The following PCDHA6 variants were observed in gnomAD, a reference collection of about 807,000 sequenced individuals.
The protein encoded by PCDHA6 is protocadherin alpha 6, also known as protocadherin alpha-6.
A neutral mutation model predicts 60.3 loss-of-function variants in PCDHA6; 55 were observed. That is an observed-to-expected ratio of 0.91 (90% CI 0.73 to 1.14). The LOEUF is 1.14. PCDHA6 is among the 50% of genes most tolerant of loss of function. The pLI is 0.00. For synonymous variants in PCDHA6, 652 were observed against 557.9 expected (o/e 1.17, Z -2.38); for missense variants, 1,327 against 1,256.5 (o/e 1.06, Z -0.85).
At chr5:140,931,975 T>C (rs2087911858) in intron 1 of PCDHA6, among the ~76,000 whole-genome samples, 1 of 151,962 alleles carries the variant, frequency 6.6e-6, no homozygotes, top group Non-Finnish European at 1.5e-5. Flanking sequence ...CATATGTGTT[T>C]ATATTTTGCT....
chr5:140,917,151 G>A (rs974449842), intron 1 of PCDHA6, among the ~76,000 whole-genome samples: 1 of 152,160 alleles, frequency 6.6e-6, no homozygotes, highest in Non-Finnish European at 1.5e-5. Flanking sequence ...TGCTGCTGGG[G>A]GATATGGGAG....
chr5:140,880,689 T>C lies in PCDHA6; in HGVS notation c.2394+50204T>C, dbSNP rs957358698. 1.2e-4 allele frequency among the ~76,000 whole-genome samples: 18 copies of C among 152,326 alleles called. No homozygotes were observed. In the South Asian group the frequency reaches 3.7e-3, roughly 32 times the overall value. Reference sequence around the variant, plus strand: ...AGAGTAAATTTGAAGAGAATAGTCATGGTTAAGTGACAATGTTGAGCAGCT... The same window carrying C: ...AGAGTAAATTTGAAGAGAATAGTCACGGTTAAGTGACAATGTTGAGCAGCT... On this transcript the variant is annotated intron_variant, in intron 1 of 3. Transcript: ENST00000529310.
chr5:140,955,006 C>T (rs1304080416), intron 1 of PCDHA6, among the ~76,000 whole-genome samples: 1 of 152,154 alleles, frequency 6.6e-6, no homozygotes, highest in African/African-American at 2.4e-5. Flanking sequence ...AGCCAATTCT[C>T]CCAGCACCAT....
intron 1 of PCDHA6, among the ~76,000 whole-genome samples, chr5:140,887,231 A>G (rs570148204): frequency 7.0e-4 from 106 of 151,572 alleles, no homozygotes; most frequent in Admixed American, 1.4e-3. Context: ...CGAGTAGCTG[A>G]GACTACCGGC....
At chr5:140,866,196 T>C (rs1176237600) in intron 1 of PCDHA6, 3 of 152,160 alleles carry the variant, frequency 2.0e-5, no homozygotes, top group African/African-American at 7.2e-5. Context: ...AACTGTGGTT[T>C]CCAATATCCT....
chr5:140,964,585 T>C (rs1275209289), intron 1 of PCDHA6, among the ~76,000 whole-genome samples: 1 of 151,992 alleles, frequency 6.6e-6, no homozygotes, highest in Non-Finnish European at 1.5e-5. Flanking sequence ...GGAGGAAAGA[T>C]CACTTTTCAT....
Position 140,828,937 on chromosome 5 carries a change from T to C in PCDHA6, c.846T>C (p.Asn282=), listed in dbSNP as rs1770037228. The change falls in exon 1 of 4, where the codon AAT becomes AAC. Residue 282 remains asparagine (N), a synonymous_variant. Transcript: ENST00000529310. ...GANGAISYSF[N]SLVAAMVIDH... ...ATGGGGCAATTTCATATTCTTTTAA[T>C]AGCCTTGTTGCAGCCATGGTTATTG... The C allele has an allele frequency of 6.2e-7, 1 of 1,614,274 alleles. No individual in the cohort carries two copies. The highest frequency in any genetic ancestry group is 8.5e-7 in the Non-Finnish European group (1 of 1,180,046).
At chr5:140,857,993 C>G (rs782150278) in intron 1 of PCDHA6, 1 of 1,597,064 alleles carries the variant, frequency 6.3e-7, no homozygotes. Flanking sequence ...CCTACTGGTG[C>G]TGGTGAAGGA....
At chr5:140,993,569 A>G (rs1311165766) in intron 3 of PCDHA6, among the ~76,000 whole-genome samples, 1 of 151,734 alleles carries the variant, frequency 6.6e-6, no homozygotes, top group East Asian at 1.9e-4. Flanking sequence ...TATCCTTTCT[A>G]GGGATGCTTT....
intron 1 of PCDHA6, chr5:140,867,201 T>C (rs1554161078): frequency 6.6e-6 from 1 of 152,156 alleles, no homozygotes; most frequent in African/African-American, 2.4e-5. Context: ...CCACATTCCA[T>C]GTAACATCTT....
chr5:140,838,280 A>AT (rs2150286950), intron 1 of PCDHA6, among the ~76,000 whole-genome samples: 90,280 of 139,474 alleles, frequency 0.65, 30,290 homozygotes, highest in Non-Finnish European at 0.74. Context: ...AGCCATGCTA[A>AT]TTTTTTTTTT....
At chr5:140,904,754 C>G (rs2071365435) in intron 1 of PCDHA6, among the ~76,000 whole-genome samples, 1 of 152,068 alleles carries the variant, frequency 6.6e-6, no homozygotes, top group South Asian at 2.1e-4. Context: ...ACCATTTTTG[C>G]AAGAATAAGA....
At chr5:140,836,527 T>C (rs2150262895) in intron 1 of PCDHA6, 29 of 1,613,850 alleles carry the variant, frequency 1.8e-5, no homozygotes, top group Non-Finnish European at 2.5e-5. Context: ...GTGCTTACCC[T>C]GCTGCTGTAC....
intron 1 of PCDHA6, among the ~76,000 whole-genome samples, chr5:140,899,663 C>T (rs1583349850): frequency 1.3e-5 from 2 of 152,176 alleles, no homozygotes; most frequent in African/African-American, 4.8e-5. Flanking sequence ...TGTCTCTGCC[C>T]GGCTTTGGTA....
rs560485194 is a variant in PCDHA6 at position 140,872,763 on chromosome 5, G to A, written c.2394+42278G>A. ...AACTTGCTAAAGACATGCATATAGG[G>A]CTATATTATCTATAATATATGCTAG... On this transcript the variant is annotated intron_variant, in intron 1 of 3. Coordinates refer to ENST00000529310, the MANE Select transcript of PCDHA6 (RefSeq NM_018909.4). 2.0e-5 allele frequency among the ~76,000 whole-genome samples: 3 copies of A among 152,126 alleles called. No homozygotes were observed. The South Asian group carries it at 6.2e-4, about 32-fold the overall frequency.
chr5:140,980,628 CAGA>C (rs1554242055), intron 2 of PCDHA6, among the ~76,000 whole-genome samples: 1 of 150,868 alleles, frequency 6.6e-6, no homozygotes, highest in Non-Finnish European at 1.5e-5. Flanking sequence ...GACTCTGTCT[CAGA>C]AGAATAAATA....
At chr5:140,967,593 T>C (rs2096161783) in intron 1 of PCDHA6, 2 of 1,614,078 alleles carry the variant, frequency 1.2e-6, no homozygotes, top group Non-Finnish European at 1.7e-6. Context: ...GGCACATTGG[T>C]GGTGAAGCTG....
intron 1 of PCDHA6, chr5:140,871,086 G>A (rs556097993): frequency 6.6e-5 from 106 of 1,613,256 alleles, no homozygotes; most frequent in Middle Eastern, 1.6e-4. Flanking sequence ...TGACGGCCAC[G>A]GCCACCGTGC....
intron 2 of PCDHA6, among the ~76,000 whole-genome samples, chr5:140,979,404 C>T (rs2096848893): frequency 6.6e-6 from 1 of 151,980 alleles, no homozygotes; most frequent in Non-Finnish European, 1.5e-5. Context: ...ATGTTGTCTA[C>T]CTTGTTTTTT....
Sources: gnomAD v4.1 joint callset for allele counts (sites outside exome capture counted in the v4.1 genomes callset) on GRCh38, gnomAD v4.1.1 for gene constraint, MANE v1.5 for transcripts, NCBI Gene and HGNC (gene_info 2026-07-23, HGNC 2026-07-21) for gene names.